Variants in MPPED1 observed in about 807,000 individuals in gnomAD.
MPPED1 encodes metallophosphoesterase domain-containing protein 1.
In MPPED1, 16 loss-of-function variants were observed where a neutral mutation model predicts 36.2. That is an observed-to-expected ratio of 0.44 (90% CI 0.30 to 0.67). The LOEUF is 0.67. Ranked by LOEUF, MPPED1 falls within the 30% of genes least tolerant of loss-of-function variation. The pLI is 0.10. For synonymous variants in MPPED1, 199 were observed against 191.3 expected (o/e 1.04, Z -0.33); for missense variants, 307 against 453.4 (o/e 0.68, Z 2.93).
At chr22:43,495,541 G>A (rs1169874167) in intron 4 of MPPED1, among the ~76,000 whole-genome samples, 14 of 124,544 alleles carry the variant, frequency 1.1e-4, no homozygotes, top group East Asian at 5.0e-4. Context: ...TGGTGGAGAT[G>A]GTGGTGGTGG....
chr22:43,412,293 C>T (rs1163508171), intron 1 of MPPED1, 135 bp downstream of exon 1: 13 of 539,404 alleles, frequency 2.4e-5, no homozygotes, highest in Non-Finnish European at 2.8e-5. Flanking sequence ...CTTTGGCCGC[C>T]TTTGCCGGGT....
intron 5 of MPPED1, among the ~76,000 whole-genome samples, chr22:43,499,587 G>A (rs1336426791): frequency 1.6e-5 from 2 of 128,364 alleles, no homozygotes; most frequent in Non-Finnish European, 3.3e-5. Flanking sequence ...GGAGGTGGTG[G>A]TGGTAGTGGA....
intron 6 of MPPED1, among the ~76,000 whole-genome samples, chr22:43,504,031 CAAT>C (rs947747506): frequency 7.9e-5 from 12 of 151,854 alleles, no homozygotes; most frequent in Non-Finnish European, 1.5e-4. Flanking sequence ...AAGTACATGA[CAAT>C]GATGATAATG....
chr22:43,445,880 A>ATTTTT (rs78165973), intron 3 of MPPED1, among the ~76,000 whole-genome samples: 1,488 of 125,772 alleles, frequency 0.012, 147 homozygotes, highest in African/African-American at 0.051. Context: ...TGGTGTTTAC[A>ATTTTT]TTTTCTTTTT....
intron 4 of MPPED1, among the ~76,000 whole-genome samples, chr22:43,493,508 G>A (rs551731225): frequency 6.6e-6 from 1 of 152,334 alleles, no homozygotes; most frequent in Admixed American, 6.5e-5. Flanking sequence ...AACTCTCACA[G>A]CATGTGGTGG....
chr22:43,485,635 G>A (rs538403809), intron 4 of MPPED1, among the ~76,000 whole-genome samples: 4 of 152,178 alleles, frequency 2.6e-5, no homozygotes, highest in African/African-American at 4.8e-5. Flanking sequence ...TTGATTTCAC[G>A]TGGCTGTTTT....
At chr22:43,501,215 G>A (rs1472951602) in intron 5 of MPPED1, among the ~76,000 whole-genome samples, 1 of 152,214 alleles carries the variant, frequency 6.6e-6, no homozygotes. Flanking sequence ...CCTGAGTCCT[G>A]GGACGGTTCC....
chr22:43,491,412 G>A (rs1932078215), intron 4 of MPPED1, among the ~76,000 whole-genome samples: 1 of 151,906 alleles, frequency 6.6e-6, no homozygotes, highest in African/African-American at 2.4e-5. Flanking sequence ...GATGATGGTG[G>A]AGGTGATGGA....
intron 3 of MPPED1, among the ~76,000 whole-genome samples, chr22:43,472,273 C>T (rs1281613730): frequency 6.6e-6 from 1 of 152,204 alleles, no homozygotes; most frequent in East Asian, 1.9e-4. Flanking sequence ...CAAAATATGT[C>T]TGTGGATGGG....
At chr22:43,455,115 C>CTTTTTCTTTTTT (rs1930707323) in intron 3 of MPPED1, among the ~76,000 whole-genome samples, 1 of 122,768 alleles carries the variant, frequency 8.1e-6, no homozygotes, top group African/African-American at 3.3e-5. Context: ...CCTTCATGTC[C>CTTTTTCTTTTTT]TTTTTTTTTT....
chr22:43,479,490 G>A (rs953962153), intron 4 of MPPED1, among the ~76,000 whole-genome samples: 31 of 152,352 alleles, frequency 2.0e-4, no homozygotes, highest in African/African-American at 7.2e-4. Flanking sequence ...AGTCTCACCA[G>A]TGAGGGAAGA....
rs1233213780 is a variant in MPPED1 at position 43,425,022 on chromosome 22, G to T, written c.37G>T (p.Ala13Ser). The change falls in exon 2 of 7, where the codon GCG (alanine) becomes TCG (serine). Residue 13 changes from alanine (A) to serine (S), a missense_variant. Physicochemically the swap from Ala to Ser is moderately conservative, Grantham distance 99. Transcript: ENST00000443721. The part of the protein sequence containing the change: ...RSRWDASVLK[A>S]EALALLPCGL... Reference sequence around the variant, plus strand: ...TAGGTGGGATGCCAGCGTCCTGAAGGCGGAGGCCCTGGCCCTCCTCCCCTG... The same window carrying T: ...TAGGTGGGATGCCAGCGTCCTGAAGTCGGAGGCCCTGGCCCTCCTCCCCTG... 58 of 1,609,314 alleles carry T rather than the reference G, an allele frequency of 3.6e-5. No homozygotes were observed. Among genetic ancestry groups the T allele is most frequent in the Non-Finnish European group, 4.7e-5 (55 of 1,178,302 alleles).
chr22:43,422,863 T>A (rs1183249644), intron 1 of MPPED1, among the ~76,000 whole-genome samples: 1 of 152,170 alleles, frequency 6.6e-6, no homozygotes, highest in Non-Finnish European at 1.5e-5. Flanking sequence ...CTTTCTTTTT[T>A]TTGAGATAGA....
intron 1 of MPPED1, chr22:43,417,734 C>T (rs374590567): frequency 5.0e-4 from 121 of 239,718 alleles, no homozygotes; most frequent in African/African-American, 2.6e-3. Flanking sequence ...TAAGCACTGC[C>T]TTTGCTGAGC....
intron 3 of MPPED1, among the ~76,000 whole-genome samples, chr22:43,451,045 G>A (rs941718309): frequency 2.8e-5 from 4 of 142,976 alleles, no homozygotes; most frequent in Non-Finnish European, 4.5e-5. Flanking sequence ...TTTTTTGATG[G>A]AGTCTTGCTG....
chr22:43,489,874 G>A (rs1433340780), intron 4 of MPPED1, among the ~76,000 whole-genome samples: 1 of 152,186 alleles, frequency 6.6e-6, no homozygotes, highest in Non-Finnish European at 1.5e-5. Flanking sequence ...CATTGATGGA[G>A]CTCCCGGGTA....
At chr22:43,467,689 A>C (rs1943698471) in intron 3 of MPPED1, among the ~76,000 whole-genome samples, 1 of 152,192 alleles carries the variant, frequency 6.6e-6, no homozygotes, top group Non-Finnish European at 1.5e-5. Context: ...ATGCAATCAG[A>C]GATCGTTATG....
At chr22:43,494,930 G>A (rs1179322869) in intron 4 of MPPED1, among the ~76,000 whole-genome samples, 1 of 152,182 alleles carries the variant, frequency 6.6e-6, no homozygotes, top group Non-Finnish European at 1.5e-5. Flanking sequence ...GAAGGAGCAA[G>A]GGATCTCTCA....
chr22:43,438,880 C>A (rs1279893974), intron 3 of MPPED1, among the ~76,000 whole-genome samples: 1 of 152,156 alleles, frequency 6.6e-6, no homozygotes, highest in South Asian at 2.1e-4. Flanking sequence ...CACCTCATCA[C>A]CTTGCCCACC....
Sources: allele counts gnomAD v4.1 joint callset (sites outside exome capture counted in the v4.1 genomes callset), GRCh38; gene constraint gnomAD v4.1.1; transcripts MANE v1.5; gene names NCBI Gene and HGNC (gene_info 2026-07-23, HGNC 2026-07-21).